SOCS5: variants seen among roughly 807,000 people sequenced by gnomAD.
SOCS5 encodes suppressor of cytokine signaling 5.
SOCS5 carries 32 observed loss-of-function variants against 42.8 expected under a neutral mutation model. The ratio of observed to expected loss-of-function variants is 0.75; its 90% CI spans 0.56 to 1.01. The LOEUF (loss-of-function observed/expected upper bound fraction) is 1.01, where lower values mean the gene tolerates loss of function less well. SOCS5 is among the 50% of genes least tolerant of loss of function. The probability of loss-of-function intolerance (pLI) is 0.00; values close to 1 mark genes in which losing one functional copy is unlikely to be tolerated. For synonymous variants in SOCS5, 283 were observed against 229.6 expected (o/e 1.23, Z -2.10); for missense variants, 627 against 653.0 (o/e 0.96, Z 0.43).
intron 1 of SOCS5, among the ~76,000 whole-genome samples, chr2:46,715,029 T>C (rs1672707634): frequency 6.6e-6 from 1 of 152,208 alleles, no homozygotes; most frequent in Admixed American, 6.5e-5. Flanking sequence ...GTGCTTTTGT[T>C]GTCATGCATT....
At chr2:46,747,765 T>G (rs1673536562) in intron 1 of SOCS5, among the ~76,000 whole-genome samples, 2 of 152,246 alleles carry the variant, frequency 1.3e-5, no homozygotes, top group South Asian at 4.2e-4. Context: ...GAAGGTCAAT[T>G]TAGAGTAAAT....
intron 1 of SOCS5, among the ~76,000 whole-genome samples, chr2:46,722,384 T>A (rs1672904058): frequency 6.6e-6 from 1 of 152,156 alleles, no homozygotes; most frequent in Non-Finnish European, 1.5e-5. Flanking sequence ...AATTAGTCTG[T>A]CATTCACATT....
intron 1 of SOCS5, among the ~76,000 whole-genome samples, chr2:46,741,066 A>G (rs567298503): frequency 1.3e-5 from 2 of 152,156 alleles, no homozygotes. Context: ...TTCTCCATTG[A>G]TTGTGTTCTC....
intron 1 of SOCS5, among the ~76,000 whole-genome samples, chr2:46,753,500 G>A (rs1013771975): frequency 6.6e-6 from 1 of 152,126 alleles, no homozygotes; most frequent in Non-Finnish European, 1.5e-5. Context: ...TCATTTGCCA[G>A]TCTTTTGATT....
chr2:46,760,946 C>T lies in SOCS5; in HGVS notation c.*805C>T, dbSNP rs570144975. On this transcript the variant is annotated 3_prime_UTR_variant, in exon 2 of 2. Coordinates refer to ENST00000394861, the MANE Select transcript of SOCS5 (RefSeq NM_144949.3). ...TGTTTCATAAAAGTTGGATCTGTTC[C>T]TATGCCCAGGATGATTTTGTGAACC... is the stretch of plus-strand genomic sequence containing the variant. 4 of 167,084 alleles carry T rather than the reference C, an allele frequency of 2.4e-5. No individual in the cohort carries two copies. The highest frequency in any genetic ancestry group is 9.6e-5 in the African/African-American group (4 of 41,522). The allele number at this position is 167,084 out of a possible 1,614,324, so 10.4% of individuals were successfully genotyped here.
At chr2:46,729,633 A>G (rs1673071170) in intron 1 of SOCS5, among the ~76,000 whole-genome samples, 2 of 152,200 alleles carry the variant, frequency 1.3e-5, no homozygotes, top group Admixed American at 6.5e-5. Flanking sequence ...TGTATAGGGC[A>G]CTTGTTTTGA....
chr2:46,705,324 C>T (rs1055024302), intron 1 of SOCS5, among the ~76,000 whole-genome samples: 1 of 152,136 alleles, frequency 6.6e-6, no homozygotes, highest in Non-Finnish European at 1.5e-5. Flanking sequence ...GGTCCTCAAC[C>T]TGTGCAATCT....
At chr2:46,749,264 T>A (rs1673573643) in intron 1 of SOCS5, among the ~76,000 whole-genome samples, 1 of 152,242 alleles carries the variant, frequency 6.6e-6, no homozygotes, top group African/African-American at 2.4e-5. Context: ...TTTTTGTTAC[T>A]GTCACTAACA....
intron 1 of SOCS5, among the ~76,000 whole-genome samples, chr2:46,756,853 G>A (rs535495068): frequency 6.6e-6 from 1 of 152,178 alleles, no homozygotes; most frequent in African/African-American, 2.4e-5. Context: ...ATGATAACAA[G>A]GCACGTGAAG....
At chr2:46,721,811 C>T (rs1391977894) in intron 1 of SOCS5, among the ~76,000 whole-genome samples, 1 of 151,976 alleles carries the variant, frequency 6.6e-6, no homozygotes, top group Non-Finnish European at 1.5e-5. Flanking sequence ...TTCATGCCTT[C>T]TTAGGATGGT....
In SOCS5 at chr2:46,706,642, G is replaced by A. The variant is rs576970088; in HGVS notation, c.-13+7193G>A. Among the ~76,000 whole-genome samples, 22 of 152,278 alleles carry A rather than the reference G, an allele frequency of 1.4e-4. No homozygotes were observed. In the East Asian group the frequency reaches 4.2e-3, roughly 29 times the overall value. On this transcript the variant is annotated intron_variant, in intron 1 of 1. Transcript: ENST00000394861. ...AACATTAATTAACAAGGAAAATATC[G>A]TTTAATAGAAAAGTCACCAGAATAG...
At chr2:46,735,020 A>G (rs559881650) in intron 1 of SOCS5, among the ~76,000 whole-genome samples, 21 of 152,266 alleles carry the variant, frequency 1.4e-4, no homozygotes, top group Middle Eastern at 3.4e-3. Flanking sequence ...GCACATAGCT[A>G]TTCAGTCATT....
At chr2:46,753,686 A>G (rs1351798489) in intron 1 of SOCS5, among the ~76,000 whole-genome samples, 2 of 152,128 alleles carry the variant, frequency 1.3e-5, no homozygotes, top group Non-Finnish European at 2.9e-5. Flanking sequence ...GGACTGCTTG[A>G]CTGAGTATAC....
intron 1 of SOCS5, among the ~76,000 whole-genome samples, chr2:46,736,318 C>T (rs1673245265): frequency 6.6e-6 from 1 of 152,184 alleles, no homozygotes; most frequent in Non-Finnish European, 1.5e-5. Flanking sequence ...GCTGGGATGA[C>T]AGATGTGAGT....
At chr2:46,739,639 T>A (rs1292229897) in intron 1 of SOCS5, among the ~76,000 whole-genome samples, 2 of 152,126 alleles carry the variant, frequency 1.3e-5, no homozygotes, top group Non-Finnish European at 1.5e-5. Context: ...ACTCCATCTG[T>A]CCCCACCCCA....
intron 1 of SOCS5, among the ~76,000 whole-genome samples, chr2:46,703,292 T>C (rs184721391): frequency 5.9e-5 from 9 of 152,186 alleles, no homozygotes; most frequent in Middle Eastern, 3.4e-3. Context: ...GGCCAGCTAT[T>C]GAGTCCAAAG....
Position 46,762,151 on chromosome 2 carries a change from C to T in SOCS5, c.*2010C>T, listed in dbSNP as rs1358323371. On this transcript the variant is annotated 3_prime_UTR_variant, in exon 2 of 2. Transcript: ENST00000394861. The stretch of plus-strand genomic sequence containing the variant: ...ATTTCTGTTGTTTCTAATTAAAGTC[C>T]CTGAAGATCATATACCAAAGTGTTT... The T allele has an allele frequency of 6.0e-6, 1 of 166,900 alleles. No individual in the cohort carries two copies. The highest frequency in any genetic ancestry group is 2.4e-5 in the African/African-American group (1 of 41,392). 10.3% of individuals were successfully genotyped at this position (166,900 alleles called of 1,614,324 possible).
At chr2:46,741,571 T>C (rs1673377493) in intron 1 of SOCS5, among the ~76,000 whole-genome samples, 1 of 152,148 alleles carries the variant, frequency 6.6e-6, no homozygotes, top group African/African-American at 2.4e-5. Context: ...ATAGAAACTA[T>C]CCAGAAATAA....
chr2:46,755,283 G>GTAAC (rs2103760998), intron 1 of SOCS5, among the ~76,000 whole-genome samples: 1 of 152,190 alleles, frequency 6.6e-6, no homozygotes, highest in Admixed American at 6.5e-5. Context: ...CATAAAGCAT[G>GTAAC]GGTTAAGTCC....
Sources: allele counts gnomAD v4.1 joint callset (sites outside exome capture counted in the v4.1 genomes callset), GRCh38; gene constraint gnomAD v4.1.1; transcripts MANE v1.5; gene names NCBI Gene and HGNC (gene_info 2026-07-23, HGNC 2026-07-21).